The following PIGL variants were observed in gnomAD, a reference collection of about 807,000 sequenced individuals.
The protein encoded by PIGL is N-acetylglucosaminyl-phosphatidylinositol de-N-acetylase.
Under a neutral mutation model 31.1 loss-of-function variants are expected in PIGL, and 22 were observed. The ratio of observed to expected loss-of-function variants is 0.71; its 90% CI spans 0.51 to 1.01. The LOEUF is 1.01. PIGL is among the 50% of genes least tolerant of loss of function. PIGL has a pLI of 0.00. For missense variants in PIGL, 302 were observed against 315.9 expected (o/e 0.96, Z 0.33); for synonymous variants, 131 against 117.4 (o/e 1.12, Z -0.75).
intron 2 of PIGL, among the ~76,000 whole-genome samples, chr17:16,239,672 A>G (rs1263598845): frequency 6.6e-6 from 1 of 152,174 alleles, no homozygotes; most frequent in African/African-American, 2.4e-5. Flanking sequence ...CTCTAATGAA[A>G]GTATGGATTG....
At chr17:16,238,637 G>A (rs2092709586) in intron 2 of PIGL, among the ~76,000 whole-genome samples, 2 of 150,414 alleles carry the variant, frequency 1.3e-5, no homozygotes, top group African/African-American at 4.9e-5. Flanking sequence ...GTTGCCAGGC[G>A]CCGTGACTCA....
At chr17:16,223,442 T>C (rs1306819985) in intron 1 of PIGL, among the ~76,000 whole-genome samples, 1 of 151,874 alleles carries the variant, frequency 6.6e-6, no homozygotes, top group African/African-American at 2.4e-5. Context: ...CCGGGTGTGG[T>C]GGTGGATGCC....
At chr17:16,281,371 G>T (rs1282112832) in intron 2 of PIGL, among the ~76,000 whole-genome samples, 1 of 152,194 alleles carries the variant, frequency 6.6e-6, no homozygotes, top group African/African-American at 2.4e-5. Context: ...TGCTCTAAAA[G>T]AATATCAACG....
intron 2 of PIGL, among the ~76,000 whole-genome samples, chr17:16,239,794 T>G (rs2092715170): frequency 6.6e-6 from 1 of 152,060 alleles, no homozygotes; most frequent in African/African-American, 2.4e-5. Flanking sequence ...TTCAACTCTT[T>G]TTTTTTTTAG....
intron 2 of PIGL, among the ~76,000 whole-genome samples, chr17:16,270,849 C>A (rs1215150310): frequency 6.6e-6 from 1 of 151,148 alleles, no homozygotes; most frequent in African/African-American, 2.4e-5. Flanking sequence ...GCCGAGATCG[C>A]GCAACTGCAT....
intron 2 of PIGL, among the ~76,000 whole-genome samples, chr17:16,296,622 GAAAA>G (rs1182901288): frequency 1.4e-5 from 2 of 148,036 alleles, no homozygotes; most frequent in East Asian, 2.0e-4. Context: ...AAAAAAAAAA[GAAAA>G]AAGAAAGAAA....
intron 6 of PIGL, chr17:16,324,452 C>T (rs1696442932): frequency 6.6e-6 from 1 of 152,144 alleles, no homozygotes; most frequent in South Asian, 2.1e-4. Flanking sequence ...TCTCCGCCTC[C>T]TGGGTTCAAG....
Position 16,258,097 on chromosome 17 carries a change from GAGAGAA to G in PIGL, c.335+24033_335+24038del, listed in dbSNP as rs767651149. On this transcript the variant is annotated intron_variant, in intron 2 of 6. Coordinates refer to ENST00000225609, the MANE Select transcript of PIGL (RefSeq NM_004278.4). ...AGAGAGAGAGAGAGAGAGAGAGAGAGAGAGAAAGAGAGAGAGAGAGAGAGAGAAAGA... is the reference window on the plus strand; with the variant it reads ...AGAGAGAGAGAGAGAGAGAGAGAGAGAGAGAGAGAGAGAGAGAGAGAAAGA... Among the ~76,000 whole-genome samples, 221 of 126,960 alleles carry G rather than the reference GAGAGAA, an allele frequency of 1.7e-3. 1 individual carries two copies. The highest frequency in any genetic ancestry group is 2.7e-3 in the Non-Finnish European group (166 of 60,728). 83.3% of individuals were successfully genotyped at this position (126,960 alleles called of 152,430 possible). A position where few individuals can be genotyped will look rare whatever the true frequency, so the allele number is the denominator to read the frequency against.
intron 6 of PIGL, among the ~76,000 whole-genome samples, chr17:16,323,652 G>A (rs1351692632): frequency 4.3e-5 from 5 of 117,128 alleles, no homozygotes; most frequent in Non-Finnish European, 8.3e-5. Flanking sequence ...TCGCTCTGTT[G>A]CCCAGGCTGG....
intron 2 of PIGL, among the ~76,000 whole-genome samples, chr17:16,275,223 C>A (rs1184239241): frequency 1.3e-5 from 2 of 152,148 alleles, no homozygotes; most frequent in Non-Finnish European, 2.9e-5. Flanking sequence ...CCATTTTAGA[C>A]CATAGAGCGT....
chr17:16,281,892 T>G (rs1448084078), intron 2 of PIGL: 3 of 323,120 alleles, frequency 9.3e-6, no homozygotes, highest in African/African-American at 6.3e-5. Context: ...CCATCTGACA[T>G]GAAGCAGGCA....
At chr17:16,322,016 T>G (rs1421744432) in intron 6 of PIGL, among the ~76,000 whole-genome samples, 1 of 152,156 alleles carries the variant, frequency 6.6e-6, no homozygotes, top group East Asian at 1.9e-4. Context: ...ACTCCCGACC[T>G]CAGGTGATCG....
At chr17:16,259,783 C>T (rs554214036) in intron 2 of PIGL, among the ~76,000 whole-genome samples, 1 of 152,230 alleles carries the variant, frequency 6.6e-6, no homozygotes, top group South Asian at 2.1e-4. Flanking sequence ...ATGGAGCCAA[C>T]GGAAGCCAAG....
chr17:16,234,750 G>A (rs1600754599), intron 2 of PIGL, among the ~76,000 whole-genome samples: 1 of 152,168 alleles, frequency 6.6e-6, no homozygotes, highest in South Asian at 2.1e-4. Context: ...GGATGAGAGA[G>A]CAAGACTCCG....
intron 2 of PIGL, among the ~76,000 whole-genome samples, chr17:16,236,200 C>T (rs776489599): frequency 6.6e-6 from 1 of 152,062 alleles, no homozygotes; most frequent in Non-Finnish European, 1.5e-5. Context: ...GTTGATACGC[C>T]GTACACCTAC....
rs187077790 is a variant in PIGL at position 16,228,507 on chromosome 17, G to A, written c.236-5464G>A. On this transcript the variant is annotated intron_variant, in intron 1 of 6. Transcript: ENST00000225609. ...TTACTTACACCATTCTCCTGCCTCA[G>A]CCTCCCGAGTAGCTGGGACTACAGG... is the stretch of plus-strand genomic sequence containing the variant. Among the ~76,000 whole-genome samples, 134 of 152,086 alleles carry A rather than the reference G, an allele frequency of 8.8e-4. 3 individuals are homozygous for A. In the East Asian group the frequency reaches 0.023, roughly 26 times the overall value.
At chr17:16,309,609 A>G (rs1364608379) in intron 3 of PIGL, among the ~76,000 whole-genome samples, 1 of 151,990 alleles carries the variant, frequency 6.6e-6, no homozygotes, top group Non-Finnish European at 1.5e-5. Context: ...AAAATATAAA[A>G]AATTAGCTAG....
intron 3 of PIGL, among the ~76,000 whole-genome samples, chr17:16,303,300 C>T (rs1244942477): frequency 6.6e-6 from 1 of 152,160 alleles, no homozygotes; most frequent in Non-Finnish European, 1.5e-5. Flanking sequence ...CCTGTGAAGG[C>T]CAAGGCTGTG....
intron 3 of PIGL, among the ~76,000 whole-genome samples, chr17:16,308,331 C>A (rs1175149674): frequency 8.7e-5 from 13 of 149,756 alleles, no homozygotes; most frequent in African/African-American, 2.0e-4. Context: ...AACTCCGTCT[C>A]AAAAAAAAAG....
Sources: allele counts gnomAD v4.1 joint callset (sites outside exome capture counted in the v4.1 genomes callset), GRCh38; gene constraint gnomAD v4.1.1; transcripts MANE v1.5; gene names NCBI Gene and HGNC (gene_info 2026-07-23, HGNC 2026-07-21).